The following SH2D4B variants were observed in gnomAD, a reference collection of about 807,000 sequenced individuals.
SH2D4B encodes SH2 domain containing 4B.
Under a neutral mutation model 61.5 loss-of-function variants are expected in SH2D4B, and 45 were observed. That is an observed-to-expected ratio of 0.73 (90% CI 0.58 to 0.94). SH2D4B has a LOEUF of 0.94. Ranked by LOEUF, SH2D4B falls within the 40% of genes least tolerant of loss-of-function variation. The probability of loss-of-function intolerance (pLI) is 0.00; values close to 1 mark genes in which losing one functional copy is unlikely to be tolerated. For synonymous variants in SH2D4B, 224 were observed against 220.4 expected (o/e 1.02, Z -0.14); for missense variants, 572 against 574.2 (o/e 1.00, Z 0.04).
At chr10:80,562,034 C>A (rs892829809) in intron 1 of SH2D4B, among the ~76,000 whole-genome samples, 2 of 144,122 alleles carry the variant, frequency 1.4e-5, no homozygotes, top group Non-Finnish European at 3.0e-5. Flanking sequence ...CAATTACACA[C>A]ACACACACAC....
chr10:80,568,421 C>T (rs1017190963), intron 1 of SH2D4B, among the ~76,000 whole-genome samples: 6 of 152,092 alleles, frequency 3.9e-5, no homozygotes, highest in African/African-American at 1.4e-4. Context: ...TGGGAATGAG[C>T]CTAGCATCCT....
chr10:80,549,279 T>A (rs576609134), intron 1 of SH2D4B, among the ~76,000 whole-genome samples: 1 of 149,634 alleles, frequency 6.7e-6, no homozygotes, highest in South Asian at 2.1e-4. Flanking sequence ...GTTTGGGGCA[T>A]GGAGAGAGAG....
At position 80,554,836 on chromosome 10, in the gene SH2D4B, C is replaced by T. The variant is rs1463121160; in HGVS notation, c.185-15318C>T. 3.3e-5 allele frequency among the ~76,000 whole-genome samples: 5 copies of T among 151,848 alleles called. No homozygotes were observed. The East Asian group carries it at 7.8e-4, about 24-fold the overall frequency. ...TATCCTGGCTAACACGGTGAAACCC[C>T]GTCTCTACTAAAAATACAAAAAATT... On this transcript the variant is annotated intron_variant, in intron 1 of 7. Transcript: ENST00000646907.
Position 80,588,723 on chromosome 10 carries a change from G to A in SH2D4B, c.589G>A (p.Ala197Thr), listed in dbSNP as rs200613994. ...GGAGCTCTACTGGACCCTGAAGCAG[G>A]CTCAGCTGCATTGCCAAGCCAGTGA... ...AKELYWTLKQ[A>T]QLHCQASEKE... The change falls in exon 4 of 8, where the codon GCT becomes ACT. Residue 197 changes from alanine to threonine, a missense_variant. Ala to Thr is a moderately conservative substitution (Grantham distance 58). Coordinates refer to ENST00000646907, the MANE Select transcript of SH2D4B (RefSeq NM_001388272.1). 1.7e-5 allele frequency: 27 copies of A among 1,614,122 alleles called. No homozygotes were observed. The highest frequency in any genetic ancestry group is 8.3e-5 in the Admixed American group (5 of 60,030).
At chr10:80,611,187 A>C (rs1842594004) in intron 6 of SH2D4B, among the ~76,000 whole-genome samples, 2 of 149,372 alleles carry the variant, frequency 1.3e-5, no homozygotes, top group Admixed American at 6.8e-5. Flanking sequence ...AAAAAAAAAA[A>C]AAAAAAAAAA....
intron 6 of SH2D4B, among the ~76,000 whole-genome samples, chr10:80,612,090 A>T (rs1474272696): frequency 6.6e-6 from 1 of 151,918 alleles, no homozygotes; most frequent in East Asian, 1.9e-4. Context: ...ATCTTTTATG[A>T]ATTGATGGGA....
In SH2D4B at chr10:80,578,156, C is replaced by T. The variant is rs188890919; in HGVS notation, c.495+6578C>T. 1.8e-3 allele frequency among the ~76,000 whole-genome samples: 280 copies of T among 151,816 alleles called. 3 individuals are homozygous for T. Among genetic ancestry groups the T allele is most frequent in the Admixed American group, 0.013 (204 of 15,234 alleles). ...TGGCTAATTTTTGTATTTTTTGTAG[C>T]GATGGGGTTTTGCCATGTTGCCCAG... On this transcript the variant is annotated intron_variant, in intron 3 of 7. Coordinates refer to ENST00000646907, the MANE Select transcript of SH2D4B (RefSeq NM_001388272.1).
intron 3 of SH2D4B, among the ~76,000 whole-genome samples, chr10:80,573,870 C>A (rs1842092807): frequency 6.6e-6 from 1 of 152,030 alleles, no homozygotes; most frequent in Non-Finnish European, 1.5e-5. Context: ...ACAACAAAGA[C>A]CTCGGTGATT....
In SH2D4B at chr10:80,549,538, C is replaced by T. The variant is rs192936068; in HGVS notation, c.184+11023C>T. Among the ~76,000 whole-genome samples, 10 of 152,144 alleles carry T rather than the reference C, an allele frequency of 6.6e-5. No homozygotes were observed. The South Asian group carries it at 8.3e-4, about 13-fold the overall frequency. On this transcript the variant is annotated intron_variant, in intron 1 of 7. Coordinates refer to ENST00000646907, the MANE Select transcript of SH2D4B (RefSeq NM_001388272.1). ...TCAGACCCTTCATCTGTAATGGGCA[C>T]GGTCTTTACTGAAACCACCTCCCTC...
intron 1 of SH2D4B, among the ~76,000 whole-genome samples, chr10:80,549,387 T>C (rs1841727933): frequency 6.6e-6 from 1 of 152,130 alleles, no homozygotes; most frequent in African/African-American, 2.4e-5. Flanking sequence ...GGCCTTGACA[T>C]TGATGGGGCC....
At chr10:80,616,150 T>C (rs1842657543) in intron 6 of SH2D4B, among the ~76,000 whole-genome samples, 1 of 152,202 alleles carries the variant, frequency 6.6e-6, no homozygotes, top group African/African-American at 2.4e-5. Context: ...ATGAGTATGA[T>C]ACCCATCTTG....
In SH2D4B at chr10:80,538,197, T is replaced by G. The variant is rs1299221085; in HGVS notation, c.-135T>G. On this transcript the variant is annotated 5_prime_UTR_variant, in exon 1 of 8. The change abolishes an upstream ATG in the 5' untranslated region. Coordinates refer to ENST00000646907, the MANE Select transcript of SH2D4B (RefSeq NM_001388272.1). The surrounding 1 kb of genome is among the most constrained non-coding windows in gnomAD (Gnocchi z 4.8). Reference sequence around the variant, plus strand: ...GCTGCAAGCTGAGGCCAACTGACAATGCTGCACAGAGAAGGGGCACCGAGA... The same window carrying G: ...GCTGCAAGCTGAGGCCAACTGACAAGGCTGCACAGAGAAGGGGCACCGAGA... The G allele has an allele frequency of 1.5e-6, 1 of 685,372 alleles. No individual in the cohort carries two copies. Among genetic ancestry groups the G allele is most frequent in the Admixed American group, 4.3e-5 (1 of 23,164 alleles). 42.5% of individuals were successfully genotyped at this position (685,372 alleles called of 1,614,324 possible).
chr10:80,603,545 G>A, intron 4 of SH2D4B, 34 bp from the exon 5 acceptor site: 3 of 1,499,756 alleles, frequency 2.0e-6, no homozygotes, highest in Admixed American at 2.1e-5. Context: ...CTGGGCTGCG[G>A]ATCTGGGCTA....
chr10:80,592,715 C>CTTTT (rs60807866), intron 4 of SH2D4B, among the ~76,000 whole-genome samples: 38 of 134,532 alleles, frequency 2.8e-4, no homozygotes, highest in East Asian at 4.4e-4. Flanking sequence ...CTCTCTGTCT[C>CTTTT]TTTTTTTTTT....
intron 1 of SH2D4B, among the ~76,000 whole-genome samples, chr10:80,547,999 C>T (rs1410072350): frequency 6.6e-6 from 1 of 152,088 alleles, no homozygotes; most frequent in Non-Finnish European, 1.5e-5. Context: ...GTCCACCTGA[C>T]CCCAGAGAGA....
chr10:80,636,002 A>G (rs570262504), intron 7 of SH2D4B, among the ~76,000 whole-genome samples: 207 of 152,168 alleles, frequency 1.4e-3, no homozygotes, highest in Middle Eastern at 3.4e-3. Context: ...CCTGTGTCCA[A>G]GTGTTCTCAT....
chr10:80,619,131 T>C (rs1366863261), intron 6 of SH2D4B, among the ~76,000 whole-genome samples: 2 of 152,122 alleles, frequency 1.3e-5, no homozygotes, highest in Non-Finnish European at 2.9e-5. Flanking sequence ...CACCGGGATT[T>C]GTGCTCAGGG....
intron 7 of SH2D4B, 70 bp downstream of exon 7, chr10:80,634,575 G>C (rs1187467185): frequency 2.0e-6 from 3 of 1,523,418 alleles, no homozygotes; most frequent in Non-Finnish European, 2.6e-6. Context: ...GAGAGAGCTA[G>C]AGCAAGAGAA....
intron 1 of SH2D4B, among the ~76,000 whole-genome samples, chr10:80,563,031 A>G (rs1469521734): frequency 6.7e-6 from 1 of 148,228 alleles, no homozygotes; most frequent in Non-Finnish European, 1.5e-5. Context: ...CCTCCCAAGT[A>G]GCTGGGACTA....
Sources: allele counts gnomAD v4.1 joint callset (sites outside exome capture counted in the v4.1 genomes callset), GRCh38; gene constraint gnomAD v4.1.1; non-coding constraint Gnocchi (gnomAD v3.1); transcripts MANE v1.5; gene names NCBI Gene and HGNC (gene_info 2026-07-23, HGNC 2026-07-21).